Variants in AFAP1L1 observed in about 807,000 individuals in gnomAD.
The protein encoded by AFAP1L1 is actin filament-associated protein 1-like 1.
A neutral mutation model predicts 99.8 loss-of-function variants in AFAP1L1; 77 were observed. That is an observed-to-expected ratio of 0.77 (90% CI 0.64 to 0.93). The LOEUF (loss-of-function observed/expected upper bound fraction) is 0.93. Ranked by LOEUF, AFAP1L1 falls within the 40% of genes least tolerant of loss-of-function variation. The pLI is 0.00. For missense variants in AFAP1L1, 893 were observed against 996.8 expected, an observed-to-expected ratio of 0.90 and a Z score of 1.40; for synonymous variants, 373 against 395.3, an observed-to-expected ratio of 0.94 and a Z score of 0.67.
chr5:149,302,258 A>G (rs1165853143), intron 4 of AFAP1L1, among the ~76,000 whole-genome samples, 160 bp from the exon 5 acceptor site: 1 of 152,224 alleles, frequency 6.6e-6, no homozygotes, highest in African/African-American at 2.4e-5. Flanking sequence ...TCACTGGATA[A>G]ATATGCCCTC....
chr5:149,333,686 G>T (rs2127604792), intron 17 of AFAP1L1, among the ~76,000 whole-genome samples: 1 of 152,306 alleles, frequency 6.6e-6, no homozygotes, highest in East Asian at 1.9e-4. Context: ...GGATGTTAGG[G>T]ATGTTAAGGT....
At chr5:149,312,233 A>C (rs1756655593) in intron 9 of AFAP1L1, 29 bp downstream of exon 9, 1 of 1,609,646 alleles carries the variant, frequency 6.2e-7, no homozygotes, top group Admixed American at 1.7e-5. Flanking sequence ...AGTCTTCCCC[A>C]GGCCAGGCAG....
intron 3 of AFAP1L1, 134 bp downstream of exon 3, chr5:149,300,488 T>C: frequency 1.5e-6 from 1 of 683,822 alleles, no homozygotes; most frequent in Admixed American, 2.8e-5. Flanking sequence ...CCTTGGCCCC[T>C]CTGGGTTCTG....
At chr5:149,318,563 T>C (rs1581330536) in intron 12 of AFAP1L1, among the ~76,000 whole-genome samples, 1 of 152,218 alleles carries the variant, frequency 6.6e-6, no homozygotes, top group Non-Finnish European at 1.5e-5. Flanking sequence ...CAGCATGATG[T>C]CCAGCACTAG....
intron 1 of AFAP1L1, among the ~76,000 whole-genome samples, chr5:149,284,710 C>T (rs1755623983): frequency 6.6e-6 from 1 of 152,092 alleles, no homozygotes; most frequent in South Asian, 2.1e-4. Flanking sequence ...GTGTTCTGGG[C>T]CCTGGGGAGC....
chr5:149,310,045 C>T lies in AFAP1L1; in HGVS notation c.837C>T (p.His279=), dbSNP rs1461382501. 4 of 1,614,236 alleles carry T rather than the reference C, an allele frequency of 2.5e-6. No homozygotes were observed. The highest frequency in any genetic ancestry group is 1.1e-5 in the South Asian group (1 of 91,078). The change falls in exon 8 of 19, where the codon CAC becomes CAT. Residue 279 remains histidine, a synonymous_variant. Transcript: ENST00000296721. ...SIIYVPKDSR[H]KRHELRFTQG... ...TCTACGTGCCCAAGGACAGCCGGCA[C>T]AAGAGGCACGAGCTGCGTTTCACCC...
At position 149,299,522 on chromosome 5, in the gene AFAP1L1, G is replaced by C; in HGVS notation, c.30G>C (p.Leu10=). MDRGQVLEQ[L]LPELTGLLSL... is the part of the protein sequence containing the mutation. ...CTTCCTCCGCAGTGCTGGAGCAGCT[G>C]CTCCCAGAGCTCACCGGGCTGCTCA... The change falls in exon 2 of 19, where the codon CTG becomes CTC. Residue 10 remains leucine, a synonymous_variant. Transcript: ENST00000296721. 6.2e-7 allele frequency: 1 copy of C among 1,614,106 alleles called. No homozygotes were observed. The highest frequency in any genetic ancestry group is 1.1e-5 in the South Asian group (1 of 91,082).
chr5:149,333,225 T>C (rs1757307923), intron 17 of AFAP1L1, among the ~76,000 whole-genome samples: 1 of 152,250 alleles, frequency 6.6e-6, no homozygotes, highest in South Asian at 2.1e-4. Flanking sequence ...CATCTTAACC[T>C]GTATTATCTC....
At chr5:149,280,718 A>C (rs1755490396) in intron 1 of AFAP1L1, among the ~76,000 whole-genome samples, 1 of 152,198 alleles carries the variant, frequency 6.6e-6, no homozygotes, top group Non-Finnish European at 1.5e-5. Flanking sequence ...TTTTGTTAGC[A>C]TCCATAATAT....
chr5:149,280,417 A>G (rs1755479319), intron 1 of AFAP1L1, among the ~76,000 whole-genome samples: 1 of 151,632 alleles, frequency 6.6e-6, no homozygotes, highest in Admixed American at 6.6e-5. Context: ...TGTGGAGCCT[A>G]CTGAAAATAC....
rs1261960058 is a variant in AFAP1L1 at position 149,310,081 on chromosome 5, C to T, written c.873C>T (p.Thr291=). 8 of 1,613,692 alleles carry T rather than the reference C, an allele frequency of 5.0e-6. No individual in the cohort carries two copies. In the African/African-American group the frequency reaches 6.7e-5, roughly 13 times the overall value. The part of the protein sequence containing the change: ...RHELRFTQGA[T]EVLVLALQSR... The stretch of plus-strand genomic sequence containing the variant: ...AGCTGCGTTTCACCCAGGGGGCTAC[C>T]GAGGTCTTGGTGCTGGCACTGCAGA... The change falls in exon 8 of 19, where the codon ACC becomes ACT. Residue 291 remains threonine (T), a synonymous_variant. Transcript: ENST00000296721.
At chr5:149,316,390 C>T in intron 11 of AFAP1L1, 87 bp downstream of exon 11, 3 of 1,490,106 alleles carry the variant, frequency 2.0e-6, no homozygotes, top group Non-Finnish European at 2.7e-6. Flanking sequence ...CATGCCTCGT[C>T]CACCTCACCC....
chr5:149,296,923 A>G (rs1459311847), intron 1 of AFAP1L1, among the ~76,000 whole-genome samples: 2 of 152,198 alleles, frequency 1.3e-5, no homozygotes, highest in Non-Finnish European at 1.5e-5. Context: ...GATGCCAAGA[A>G]AAAAGGGGAA....
intron 7 of AFAP1L1, 143 bp downstream of exon 7, chr5:149,307,756 G>T: frequency 1.3e-6 from 1 of 761,212 alleles, no homozygotes; most frequent in Non-Finnish European, 2.1e-6. Flanking sequence ...ATGCTCCCAA[G>T]ATCAGGACTT....
intron 8 of AFAP1L1, 87 bp downstream of exon 8, chr5:149,310,222 G>A: frequency 6.2e-6 from 9 of 1,443,664 alleles, no homozygotes; most frequent in Non-Finnish European, 7.3e-6. Context: ...TCCTGTCCCT[G>A]GAAGAGCCTC....
chr5:149,282,560 G>A (rs1233322419), intron 1 of AFAP1L1, among the ~76,000 whole-genome samples: 1 of 152,158 alleles, frequency 6.6e-6, no homozygotes, highest in East Asian at 1.9e-4. Context: ...GGCAAAATCT[G>A]GCCTGCTACC....
intron 9 of AFAP1L1, chr5:149,315,574 A>G: frequency 2.1e-6 from 1 of 467,334 alleles, no homozygotes; most frequent in South Asian, 2.2e-5. Context: ...CATTCATTTC[A>G]AAGTGTTATA....
intron 18 of AFAP1L1, among the ~76,000 whole-genome samples, chr5:149,339,380 CG>C (rs952768714): frequency 6.6e-6 from 1 of 151,820 alleles, no homozygotes; most frequent in Admixed American, 6.6e-5. Context: ...TTAGTAGAGA[CG>C]GGGGGTTTCA....
At chr5:149,283,436 G>T (rs560821451) in intron 1 of AFAP1L1, among the ~76,000 whole-genome samples, 1 of 151,938 alleles carries the variant, frequency 6.6e-6, no homozygotes, top group African/African-American at 2.4e-5. Flanking sequence ...TGACAGCACC[G>T]AAGCCAAAAG....
Sources: gnomAD v4.1 joint callset for allele counts (sites outside exome capture counted in the v4.1 genomes callset) on GRCh38, gnomAD v4.1.1 for gene constraint, MANE v1.5 for transcripts, NCBI Gene and HGNC (gene_info 2026-07-23, HGNC 2026-07-21) for gene names.